ADGRB3: variants seen among roughly 807,000 people sequenced by gnomAD.
The protein encoded by ADGRB3 is adhesion G protein-coupled receptor B3.
A neutral mutation model predicts 193.4 loss-of-function variants in ADGRB3; 37 were observed. That is an observed-to-expected ratio of 0.19 (90% CI 0.15 to 0.25). The LOEUF is 0.25. Among genes scored for constraint, ADGRB3 ranks in the 10% least tolerant of loss-of-function variants. The pLI, the probability that ADGRB3 is intolerant of heterozygous loss-of-function variation, is 1.00. For missense variants in ADGRB3, 1,637 were observed against 1,852.9 expected, an observed-to-expected ratio of 0.88 and a Z score of 2.14; for synonymous variants, 690 against 644.2, an observed-to-expected ratio of 1.07 and a Z score of -1.08.
chr6:69,137,050 T>C (rs1238517720), intron 17 of ADGRB3, among the ~76,000 whole-genome samples: 1 of 109,496 alleles, frequency 9.1e-6, no homozygotes, highest in African/African-American at 3.2e-5. Context: ...TTCTTTTCTT[T>C]TCTTTCTTTT....
At chr6:69,139,241 A>G (rs2150337119) in intron 17 of ADGRB3, among the ~76,000 whole-genome samples, 1 of 152,270 alleles carries the variant, frequency 6.6e-6, no homozygotes, top group South Asian at 2.1e-4. Context: ...TCCTGCTTTC[A>G]ATGTTCATCT....
chr6:68,655,947 A>AAAAATATAT (rs1395501810), intron 3 of ADGRB3, among the ~76,000 whole-genome samples: 1 of 151,648 alleles, frequency 6.6e-6, no homozygotes, highest in African/African-American at 2.4e-5. Context: ...TATTTACTTT[A>AAAAATATAT]ATTGGTAAAA....
chr6:68,929,702 T>C (rs1474032383), intron 3 of ADGRB3, among the ~76,000 whole-genome samples: 1 of 152,118 alleles, frequency 6.6e-6, no homozygotes. Flanking sequence ...CACTTTTCAG[T>C]CACAGTTCAA....
intron 20 of ADGRB3, among the ~76,000 whole-genome samples, chr6:69,272,241 C>G (rs921235412): frequency 1.3e-5 from 2 of 152,142 alleles, no homozygotes; most frequent in African/African-American, 4.8e-5. Flanking sequence ...TTTCTTTCAT[C>G]CCTTGCCCCT....
chr6:68,804,050 G>T (rs1266649434), intron 3 of ADGRB3, among the ~76,000 whole-genome samples: 3 of 152,068 alleles, frequency 2.0e-5, no homozygotes, highest in Non-Finnish European at 4.4e-5. Context: ...AGGAGCTCAA[G>T]GTCTAATTGG....
chr6:68,682,337 A>G lies in ADGRB3; in HGVS notation c.757+42905A>G, dbSNP rs556701796. ...AGAGAATACCCTATTTGAAGATAAAAGCTGTTGTATAAATATAAAGCAAGA... is the reference window on the plus strand; with the variant it reads ...AGAGAATACCCTATTTGAAGATAAAGGCTGTTGTATAAATATAAAGCAAGA... On this transcript the variant is annotated intron_variant, in intron 3 of 31. Coordinates refer to ENST00000370598, the MANE Select transcript of ADGRB3 (RefSeq NM_001704.3). 3.1e-4 allele frequency among the ~76,000 whole-genome samples: 47 copies of G among 152,220 alleles called. 1 individual carries two copies. The highest frequency in any genetic ancestry group is 2.0e-4 in the Admixed American group (3 of 15,280).
At chr6:69,306,161 T>A (rs1180344606) in intron 20 of ADGRB3, among the ~76,000 whole-genome samples, 10 of 151,364 alleles carry the variant, frequency 6.6e-5, no homozygotes, top group Non-Finnish European at 1.5e-5. Context: ...GGTGTTGGGG[T>A]GAGATGGGAG....
At chr6:68,802,365 A>G (rs958495950) in intron 3 of ADGRB3, among the ~76,000 whole-genome samples, 1 of 152,120 alleles carries the variant, frequency 6.6e-6, no homozygotes, top group Non-Finnish European at 1.5e-5. Flanking sequence ...AAAATGTTAT[A>G]TTATAGATAT....
intron 3 of ADGRB3, among the ~76,000 whole-genome samples, chr6:68,651,393 A>C (rs1768363119): frequency 6.6e-6 from 1 of 152,178 alleles, no homozygotes; most frequent in Non-Finnish European, 1.5e-5. Flanking sequence ...TACTCTTTTA[A>C]AAACATATGA....
At chr6:68,851,387 G>T (rs1310266301) in intron 3 of ADGRB3, among the ~76,000 whole-genome samples, 1 of 151,560 alleles carries the variant, frequency 6.6e-6, no homozygotes, top group Non-Finnish European at 1.5e-5. Flanking sequence ...ATTTTCCTAG[G>T]TATCACTTAG....
At chr6:68,730,090 A>G (rs1480401527) in intron 3 of ADGRB3, among the ~76,000 whole-genome samples, 5 of 151,688 alleles carry the variant, frequency 3.3e-5, no homozygotes. Flanking sequence ...TAAAGGTCTT[A>G]CTCATTTTTA....
chr6:69,331,565 G>C, intron 23 of ADGRB3: 1 of 985,134 alleles, frequency 1.0e-6, no homozygotes, highest in Non-Finnish European at 1.2e-6. Flanking sequence ...GCTGTAACAG[G>C]GAGCAGAAAC....
intron 3 of ADGRB3, among the ~76,000 whole-genome samples, chr6:68,814,465 T>C (rs961733271): frequency 6.6e-6 from 1 of 152,198 alleles, no homozygotes; most frequent in African/African-American, 2.4e-5. Flanking sequence ...GTCAGATGAG[T>C]AGACTGCAAA....
At chr6:68,790,316 C>G (rs1220385432) in intron 3 of ADGRB3, among the ~76,000 whole-genome samples, 1 of 152,100 alleles carries the variant, frequency 6.6e-6, no homozygotes, top group Non-Finnish European at 1.5e-5. Context: ...ACAAAGTGGC[C>G]TAATCAAGGA....
At chr6:69,343,934 A>T (rs1408153556) in intron 26 of ADGRB3, among the ~76,000 whole-genome samples, 1 of 152,196 alleles carries the variant, frequency 6.6e-6, no homozygotes, top group Non-Finnish European at 1.5e-5. Context: ...TATACTATTT[A>T]CTATTCCCCG....
rs115142772 is a variant in ADGRB3, at chr6:69,309,749, G to A, written c.2815-15123G>A. On this transcript the variant is annotated intron_variant, in intron 20 of 31. Coordinates refer to ENST00000370598, the MANE Select transcript of ADGRB3 (RefSeq NM_001704.3). Reference sequence around the variant, plus strand: ...ATAGAGGGAGGACAATTTGTTAGACGTAATTGAATTCTCTTTCTTCTCTCT... The same window carrying A: ...ATAGAGGGAGGACAATTTGTTAGACATAATTGAATTCTCTTTCTTCTCTCT... Among the ~76,000 whole-genome samples the A allele has an allele frequency of 3.2e-3, 484 of 151,734 alleles. 1 individual carries two copies. Among genetic ancestry groups the A allele is most frequent in the African/African-American group, 0.011 (464 of 41,482 alleles).
intron 3 of ADGRB3, among the ~76,000 whole-genome samples, chr6:68,801,001 CAT>C (rs1767300077): frequency 6.6e-6 from 1 of 152,196 alleles, no homozygotes; most frequent in East Asian, 1.9e-4. Flanking sequence ...TATTCTAAGA[CAT>C]AAAAGAAAGA....
At chr6:68,709,978 T>C (rs1386061646) in intron 3 of ADGRB3, among the ~76,000 whole-genome samples, 1 of 152,164 alleles carries the variant, frequency 6.6e-6, no homozygotes, top group East Asian at 1.9e-4. Context: ...CTTTAAATCT[T>C]ACTTTAAAAT....
chr6:68,931,838 A>AT (rs1487031332), intron 4 of ADGRB3, among the ~76,000 whole-genome samples: 1 of 152,154 alleles, frequency 6.6e-6, no homozygotes, highest in Non-Finnish European at 1.5e-5. Context: ...TTTAAAATAA[A>AT]TTTTACAAGG....
Sources: allele counts gnomAD v4.1 joint callset (sites outside exome capture counted in the v4.1 genomes callset), GRCh38; gene constraint gnomAD v4.1.1; transcripts MANE v1.5; gene names NCBI Gene and HGNC (gene_info 2026-07-23, HGNC 2026-07-21).